TRHDE: variants seen among roughly 807,000 people sequenced by gnomAD.
TRHDE encodes the protein thyrotropin-releasing hormone-degrading ectoenzyme.
In TRHDE, 72 loss-of-function variants were observed where a neutral mutation model predicts 125.7. That is an observed-to-expected ratio of 0.57 (90% CI 0.47 to 0.70). The LOEUF (loss-of-function observed/expected upper bound fraction) is 0.70, where lower values mean the gene tolerates loss of function less well. Among genes scored for constraint, TRHDE ranks in the 30% least tolerant of loss-of-function variants. The probability of loss-of-function intolerance (pLI) is 0.00; values close to 1 mark genes in which losing one functional copy is unlikely to be tolerated. For synonymous variants in TRHDE, 509 were observed against 509.1 expected (o/e 1.00, Z 0.00); for missense variants, 1,110 against 1,327.1 (o/e 0.84, Z 2.54).
intron 14 of TRHDE, 57 bp downstream of exon 14, chr12:72,621,262 T>A: frequency 9.2e-7 from 1 of 1,090,192 alleles, no homozygotes. Context: ...AATAATGTAC[T>A]ACTAGTGCCA....
chr12:72,438,983 G>C (rs915745579), intron 3 of TRHDE, among the ~76,000 whole-genome samples: 5 of 151,800 alleles, frequency 3.3e-5, no homozygotes, highest in African/African-American at 1.2e-4. Flanking sequence ...TGTGTATGGT[G>C]TGAGATGAGT....
intron 2 of TRHDE, among the ~76,000 whole-genome samples, chr12:72,190,616 T>A (rs908152010): frequency 3.9e-5 from 6 of 152,236 alleles, no homozygotes; most frequent in Non-Finnish European, 8.8e-5. Flanking sequence ...GGGCTCAGAA[T>A]GTAAAATTGT....
rs893395464 is a variant in TRHDE at position 72,193,251 on chromosome 12, T to C, written n.279+87499T>C. On this transcript the variant is annotated intron_variant and non_coding_transcript_variant, in intron 2 of 4. Transcript: ENST00000548156. ...CATACAGATTAATATTTCATATGTA[T>C]TCAGCATGTTCCATTTCAGCCTCAA... Among the ~76,000 whole-genome samples the C allele has an allele frequency of 2.6e-5, 4 of 152,188 alleles. 1 individual carries two copies. The South Asian group carries it at 8.3e-4, about 32-fold the overall frequency.
chr12:72,113,247 G>C (rs913037806), intron 2 of TRHDE, among the ~76,000 whole-genome samples: 3 of 151,816 alleles, frequency 2.0e-5, no homozygotes, highest in Non-Finnish European at 4.4e-5. Flanking sequence ...TTGAACTCCT[G>C]GGCTCAAGTG....
At chr12:72,119,039 AT>A (rs2139300028) in intron 2 of TRHDE, among the ~76,000 whole-genome samples, 1 of 151,358 alleles carries the variant, frequency 6.6e-6, no homozygotes, top group East Asian at 1.9e-4. Flanking sequence ...TTTCAATTTC[AT>A]TTATTTCTGT....
intron 2 of TRHDE, among the ~76,000 whole-genome samples, chr12:72,366,924 C>T (rs1018400890): frequency 6.6e-6 from 1 of 152,048 alleles, no homozygotes; most frequent in Admixed American, 6.6e-5. Flanking sequence ...TCTAAGTAAT[C>T]GTTCTCAAAA....
At chr12:72,607,886 G>A (rs1872513124) in intron 12 of TRHDE, among the ~76,000 whole-genome samples, 1 of 151,992 alleles carries the variant, frequency 6.6e-6, no homozygotes, top group South Asian at 2.1e-4. Context: ...AGCATCACTA[G>A]AATACACTCT....
intron 2 of TRHDE, among the ~76,000 whole-genome samples, chr12:72,346,437 T>A (rs1450705548): frequency 6.6e-6 from 1 of 151,672 alleles, no homozygotes; most frequent in African/African-American, 2.4e-5. Flanking sequence ...TTTGCCAACA[T>A]AGAGCTGTTG....
intron 2 of TRHDE, among the ~76,000 whole-genome samples, chr12:72,126,969 C>G (rs185727997): frequency 3.0e-4 from 45 of 152,114 alleles, no homozygotes; most frequent in Middle Eastern, 3.4e-3. Flanking sequence ...GGTCTATTAT[C>G]CAGAATCAAA....
At chr12:72,393,617 C>T (rs1239548291) in intron 3 of TRHDE, among the ~76,000 whole-genome samples, 2 of 152,110 alleles carry the variant, frequency 1.3e-5, no homozygotes. Context: ...TCAAACATAT[C>T]AGTCACTGAA....
At chr12:72,223,832 G>A (rs147838108) in intron 2 of TRHDE, among the ~76,000 whole-genome samples, 16 of 151,880 alleles carry the variant, frequency 1.1e-4, no homozygotes, top group South Asian at 4.2e-4. Flanking sequence ...ATTCTATCTC[G>A]CATCCAGCTC....
chr12:72,335,621 CGG>C (rs1371451598), intron 2 of TRHDE, among the ~76,000 whole-genome samples: 2 of 152,190 alleles, frequency 1.3e-5, no homozygotes, highest in African/African-American at 4.8e-5. Flanking sequence ...AGGGCACAGA[CGG>C]TGTCATAATC....
intron 9 of TRHDE, among the ~76,000 whole-genome samples, chr12:72,564,125 C>G (rs1163529132): frequency 6.6e-6 from 1 of 152,176 alleles, no homozygotes; most frequent in Non-Finnish European, 1.5e-5. Context: ...TTCTATCTCT[C>G]TCTCCATATA....
chr12:72,406,482 G>C (rs1000703065), intron 3 of TRHDE, among the ~76,000 whole-genome samples: 1 of 152,142 alleles, frequency 6.6e-6, no homozygotes, highest in Admixed American at 6.5e-5. Flanking sequence ...GTTAGGTGCT[G>C]GTTGTTTTAA....
At chr12:72,572,192 T>C (rs191872407) in intron 10 of TRHDE, among the ~76,000 whole-genome samples, 2 of 152,334 alleles carry the variant, frequency 1.3e-5, no homozygotes, top group East Asian at 3.9e-4. Flanking sequence ...ACATTTTTAC[T>C]CTGGTTGACC....
At chr12:72,650,524 T>C (rs1028574358) in intron 15 of TRHDE, among the ~76,000 whole-genome samples, 1 of 152,020 alleles carries the variant, frequency 6.6e-6, no homozygotes, top group Non-Finnish European at 1.5e-5. Context: ...ATTGGTTCTA[T>C]AGGTGATACA....
In TRHDE at chr12:72,543,322, T is replaced by C. The variant is rs546605139; in HGVS notation, c.1788+966T>C. Among the ~76,000 whole-genome samples, 5 of 151,650 alleles carry C rather than the reference T, an allele frequency of 3.3e-5. No homozygotes were observed. The South Asian group carries it at 6.2e-4, about 19-fold the overall frequency. On this transcript the variant is annotated intron_variant, in intron 7 of 18. Coordinates refer to ENST00000261180, the MANE Select transcript of TRHDE (RefSeq NM_013381.3). ...TATACTTAACACAACAGAAACTATA[T>C]ATAAAAATAAATTTTTTGAAGAATA...
chr12:72,577,551 G>A (rs1471975235), intron 12 of TRHDE, among the ~76,000 whole-genome samples: 1 of 152,126 alleles, frequency 6.6e-6, no homozygotes, highest in Non-Finnish European at 1.5e-5. Flanking sequence ...TTTCGAGGCA[G>A]TCGTTCATGT....
chr12:72,422,523 T>A (rs1874002250), intron 3 of TRHDE, among the ~76,000 whole-genome samples: 1 of 152,214 alleles, frequency 6.6e-6, no homozygotes, highest in Non-Finnish European at 1.5e-5. Flanking sequence ...TATGGCTTCA[T>A]AACTGAGTAA....
Sources: allele counts gnomAD v4.1 joint callset (sites outside exome capture counted in the v4.1 genomes callset), GRCh38; gene constraint gnomAD v4.1.1; transcripts MANE v1.5; gene names NCBI Gene and HGNC (gene_info 2026-07-23, HGNC 2026-07-21).